NFAM1: variants seen among roughly 807,000 people sequenced by gnomAD.
The protein encoded by NFAM1 is NFAT activation molecule 1.
A neutral mutation model predicts 29.0 loss-of-function variants in NFAM1; 17 were observed. The ratio of observed to expected loss-of-function variants is 0.59; its 90% CI spans 0.40 to 0.88. The LOEUF is 0.88. NFAM1 is among the 40% of genes least tolerant of loss of function. NFAM1 has a pLI of 0.00. For missense variants in NFAM1, 324 were observed against 344.6 expected (o/e 0.94, Z 0.47); for synonymous variants, 175 against 147.2 (o/e 1.19, Z -1.36).
chr22:42,430,110 A>T lies in NFAM1; in HGVS notation c.121+2127T>A, dbSNP rs891228618. 5.3e-5 allele frequency among the ~76,000 whole-genome samples: 8 copies of T among 151,748 alleles called. No homozygotes were observed. The South Asian group carries it at 6.2e-4, about 12-fold the overall frequency. On this transcript the variant is annotated intron_variant, in intron 1 of 5. Coordinates refer to ENST00000329021, the MANE Select transcript of NFAM1 (RefSeq NM_145912.8). ...AGTCTCTATCTCTACGAAAAAATTT[A>T]AAAAATAGCTGGGTGTGGTGGCACA... is the stretch of plus-strand genomic sequence containing the variant.
chr22:42,403,364 T>C (rs553833918), intron 3 of NFAM1, among the ~76,000 whole-genome samples: 43 of 152,330 alleles, frequency 2.8e-4, no homozygotes, highest in African/African-American at 1.0e-3. Flanking sequence ...AGCTAAGAGT[T>C]TAGCTTGCTG....
intron 3 of NFAM1, among the ~76,000 whole-genome samples, chr22:42,407,898 T>G (rs998328524): frequency 2.8e-5 from 4 of 144,018 alleles, no homozygotes; most frequent in African/African-American, 1.1e-4. Context: ...GGCAGACAGA[T>G]TTCTCTTTTT....
chr22:42,393,242 A>G (rs1929405213), intron 4 of NFAM1, among the ~76,000 whole-genome samples: 2 of 152,146 alleles, frequency 1.3e-5, no homozygotes, highest in African/African-American at 2.4e-5. Flanking sequence ...TTAAAAATTG[A>G]GAAAACAGGC....
intron 3 of NFAM1, among the ~76,000 whole-genome samples, chr22:42,407,638 G>T (rs1319639094): frequency 6.6e-6 from 1 of 152,136 alleles, no homozygotes; most frequent in African/African-American, 2.4e-5. Flanking sequence ...GCTCAGGCTG[G>T]AGTGCAGTGG....
chr22:42,401,200 C>T (rs1395174093), intron 3 of NFAM1, among the ~76,000 whole-genome samples: 5 of 152,286 alleles, frequency 3.3e-5, no homozygotes, highest in African/African-American at 7.2e-5. Flanking sequence ...TCTGAAGACA[C>T]GGGAGGAACT....
intron 1 of NFAM1, among the ~76,000 whole-genome samples, chr22:42,431,781 C>T (rs554924964): frequency 6.6e-6 from 1 of 150,756 alleles, no homozygotes; most frequent in Non-Finnish European, 1.5e-5. Context: ...GGTATCCCCC[C>T]CTCCCCCCTC....
Position 42,411,586 on chromosome 22 carries a change from C to A in NFAM1, c.272G>T (p.Arg91Met), listed in dbSNP as rs2147108846. Reference protein sequence around the residue: ...SYFHEDLQGQRSPKKPTNCHP... With the variant: ...SYFHEDLQGQMSPKKPTNCHP... Reference sequence around the variant, plus strand: ...GCAGTTTGTTGGCTTCTTAGGGCTCCTCTGTCCCTGGAGATCTTCATGAAA... The same window carrying A: ...GCAGTTTGTTGGCTTCTTAGGGCTCATCTGTCCCTGGAGATCTTCATGAAA... Residue 91 changes from arginine to methionine, a missense_variant, in exon 2 of 6, where the codon AGG (arginine) becomes ATG (methionine). Transcript: ENST00000329021. 1 of 1,614,228 alleles carries A rather than the reference C, an allele frequency of 6.2e-7. No individual in the cohort carries two copies. The highest frequency in any genetic ancestry group is 8.5e-7 in the Non-Finnish European group (1 of 1,180,040).
chr22:42,437,009 T>TC (rs1341877976), upstream of NFAM1: 190 of 983,956 alleles, frequency 1.9e-4, 1 homozygote, highest in Non-Finnish European at 4.1e-5. Context: ...CATACCATGG[T>TC]CCCCCTGCTA....
At chr22:42,392,649 G>T (rs1929383622) in intron 4 of NFAM1, among the ~76,000 whole-genome samples, 1 of 152,084 alleles carries the variant, frequency 6.6e-6, no homozygotes, top group African/African-American at 2.4e-5. Flanking sequence ...ACCCTGTTTT[G>T]CAGATTATGG....
chr22:42,406,637 T>C (rs1423553142), intron 3 of NFAM1, among the ~76,000 whole-genome samples: 1 of 152,182 alleles, frequency 6.6e-6, no homozygotes, highest in Non-Finnish European at 1.5e-5. Context: ...TCCATTCCCA[T>C]GCCGACCTCC....
upstream of NFAM1, chr22:42,436,912 G>A: frequency 1.6e-6 from 1 of 616,226 alleles, no homozygotes; most frequent in Non-Finnish European, 2.0e-6. Flanking sequence ...GATATTATAC[G>A]CCTCAGCTGA....
intron 1 of NFAM1, among the ~76,000 whole-genome samples, chr22:42,429,547 C>T (rs111894441): frequency 0.013 from 2,022 of 152,234 alleles, 40 homozygotes; most frequent in African/African-American, 0.046. Context: ...ACCTGGGAGG[C>T]GGAGGTTGCA....
intron 1 of NFAM1, among the ~76,000 whole-genome samples, chr22:42,424,911 G>GTATT (rs67558344): frequency 0.037 from 5,445 of 147,902 alleles, 142 homozygotes; most frequent in South Asian, 0.09. Flanking sequence ...CTTTCTTTTC[G>GTATT]TATTTATTTA....
upstream of NFAM1, chr22:42,432,503 G>C: frequency 8.3e-7 from 1 of 1,198,814 alleles, no homozygotes; most frequent in Non-Finnish European, 1.1e-6. Context: ...CAGCCCAGCA[G>C]GGTGGCCGCC....
the NFAM1 span, among the ~76,000 whole-genome samples, chr22:42,437,764 C>T: frequency 2.2e-4 from 34 of 152,322 alleles, no homozygotes; most frequent in African/African-American, 7.9e-4. Context: ...CTAGCAAGAT[C>T]AAGATAGGGC....
Position 42,420,760 on chromosome 22 carries a change from A to G in NFAM1, c.122-9024T>C, listed in dbSNP as rs1601758504. On this transcript the variant is annotated intron_variant, in intron 1 of 5. Transcript: ENST00000329021. The stretch of plus-strand genomic sequence containing the variant: ...ACTCCAGCCTGTGTGACAGAGCGAG[A>G]CTCTGTCACAAACAAACAAACAAAC... 3.1e-5 allele frequency among the ~76,000 whole-genome samples: 4 copies of G among 130,382 alleles called. 1 individual carries two copies. In the South Asian group the frequency reaches 9.2e-4, roughly 30 times the overall value. The allele number at this position is 130,382 out of a possible 152,430, so 85.5% of individuals were successfully genotyped here. A position where few individuals can be genotyped will look rare whatever the true frequency, so the allele number is the denominator to read the frequency against.
Position 42,432,261 on chromosome 22 carries a change from G to A in NFAM1, c.97C>T (p.Leu33=). 2 of 1,572,654 alleles carry A rather than the reference G, an allele frequency of 1.3e-6. No individual in the cohort carries two copies. Among genetic ancestry groups the A allele is most frequent in the Non-Finnish European group, 8.6e-7 (1 of 1,158,550 alleles). Residue 33 remains leucine (L), a synonymous_variant, in exon 1 of 6, where the codon CTG becomes TTG. Coordinates refer to ENST00000329021, the MANE Select transcript of NFAM1 (RefSeq NM_145912.8). ...APWLLLGVLL[L]PGTLRLAGGQ... is the part of the protein sequence containing the mutation. ...CCTGCCAGTCGCAGGGTCCCGGGCAGCAGCAGCACGCCAAGGAGGAGCCAG... is the reference window on the plus strand; with the variant it reads ...CCTGCCAGTCGCAGGGTCCCGGGCAACAGCAGCACGCCAAGGAGGAGCCAG...
At chr22:42,430,179 T>C (rs1012395331) in intron 1 of NFAM1, among the ~76,000 whole-genome samples, 1 of 151,872 alleles carries the variant, frequency 6.6e-6, no homozygotes, top group African/African-American at 2.4e-5. Context: ...GGGAGGATCA[T>C]TTGAGTGAGG....
intron 5 of NFAM1, among the ~76,000 whole-genome samples, chr22:42,386,006 A>G (rs1034516967): frequency 3.3e-5 from 5 of 152,302 alleles, no homozygotes; most frequent in African/African-American, 1.2e-4. Flanking sequence ...CTTGGAACAC[A>G]TTTGAATTCA....
Sources: gnomAD v4.1 joint callset for allele counts (sites outside exome capture counted in the v4.1 genomes callset) on GRCh38, gnomAD v4.1.1 for gene constraint, MANE v1.5 for transcripts, NCBI Gene and HGNC (gene_info 2026-07-23, HGNC 2026-07-21) for gene names.